DCX: variants seen among roughly 807,000 people sequenced by gnomAD.
The protein encoded by DCX is doublecortin.
A neutral mutation model predicts 20.9 loss-of-function variants in DCX; 4 were observed. That is an observed-to-expected ratio of 0.19 (90% CI 0.09 to 0.44). DCX has a LOEUF of 0.44. DCX is among the 20% of genes least tolerant of loss of function. DCX has a pLI of 0.99. For missense variants in DCX, 133 were observed against 296.9 expected (o/e 0.45, Z 4.06); for synonymous variants, 103 against 111.4 (o/e 0.92, Z 0.47).
At chrX:111,372,867 G>A in intron 3 of DCX, among the ~76,000 whole-genome samples, 1 of 111,598 alleles carries the variant, frequency 9.0e-6, no homozygotes, top group Non-Finnish European at 1.9e-5. Context: ...AAGGTGCTGA[G>A]ACTTCAAGCT....
At chrX:111,339,716 C>T (rs1922053967) in intron 3 of DCX, among the ~76,000 whole-genome samples, 1 of 112,052 alleles carries the variant, frequency 8.9e-6, no homozygotes, top group Admixed American at 9.5e-5. Context: ...ATCCAACTGC[C>T]TGTTCAATAT....
intron 2 of DCX, among the ~76,000 whole-genome samples, chrX:111,404,511 A>G (rs1229775938): frequency 8.9e-6 from 1 of 112,183 alleles, no homozygotes; most frequent in Non-Finnish European, 1.9e-5. Context: ...TAGGAGTCAC[A>G]CAGACCTGGA....
At chrX:111,409,908 T>C (rs1928553713) in intron 2 of DCX, 127 bp downstream of exon 2, 7 of 893,600 alleles carry the variant, frequency 7.8e-6, no homozygotes. Context: ...ATTAGAAATT[T>C]GAGCATCAAT....
At chrX:111,312,350 C>T (rs1180948417) in intron 6 of DCX, among the ~76,000 whole-genome samples, 10 of 112,098 alleles carry the variant, frequency 8.9e-5, no homozygotes, top group Non-Finnish European at 1.7e-4. Flanking sequence ...GTGTTCAACC[C>T]ATGTCCCAAA....
rs1179252304 is a variant in DCX at position 111,400,983 on chromosome X, T to C, written c.705+7A>G. 8.3e-7 allele frequency: 1 copy of C among 1,205,812 alleles called. No homozygotes were observed. On this transcript the variant is annotated splice_region_variant and intron_variant, in intron 3 of 6. Coordinates refer to ENST00000636035, the MANE Select transcript of DCX (RefSeq NM_001195553.2). ...AAACGGGAAAAGTACTTTGAAAAAGTACCTACCTGTTTTCCATCCAGAGTG... is the reference window on the plus strand; with the variant it reads ...AAACGGGAAAAGTACTTTGAAAAAGCACCTACCTGTTTTCCATCCAGAGTG...
intron 3 of DCX, among the ~76,000 whole-genome samples, chrX:111,338,912 G>A (rs769722472): frequency 9.0e-6 from 1 of 111,586 alleles, no homozygotes; most frequent in Non-Finnish European, 1.9e-5. Flanking sequence ...CACCAAGGCT[G>A]CTCTTGTTAA....
In DCX at chrX:111,312,753, G is replaced by A; in HGVS notation, c.947-17C>T. 7 of 1,200,114 alleles carry A rather than the reference G, an allele frequency of 5.8e-6. No homozygotes were observed. Among genetic ancestry groups the A allele is most frequent in the Non-Finnish European group, 7.9e-6 (7 of 885,023 alleles). ...TTCCGTTTGCTAGCCCAAAGCAAGA[G>A]AAAAGGAAGGGATAAAAATCAACAG... On this transcript the variant is annotated splice_polypyrimidine_tract_variant and intron_variant, in intron 5 of 6. Coordinates refer to ENST00000636035, the MANE Select transcript of DCX (RefSeq NM_001195553.2).
chrX:111,388,718 TA>T (rs776583576), intron 3 of DCX, among the ~76,000 whole-genome samples: 7 of 112,178 alleles, frequency 6.2e-5, no homozygotes, highest in Non-Finnish European at 1.1e-4. Flanking sequence ...TCTAAATTGA[TA>T]GGAGCTAACA....
At chrX:111,331,166 T>A in intron 4 of DCX, 125 bp from the exon 5 acceptor site, 1 of 810,007 alleles carries the variant, frequency 1.2e-6, no homozygotes, top group Non-Finnish European at 1.8e-6. Context: ...TACAATGTGG[T>A]CCTTATTATT....
At chrX:111,334,146 A>G (rs1229064476) in intron 3 of DCX, among the ~76,000 whole-genome samples, 1 of 112,470 alleles carries the variant, frequency 8.9e-6, no homozygotes, top group African/African-American at 3.2e-5. Context: ...GCAGAGAGCA[A>G]TATGTTACAT....
intron 6 of DCX, among the ~76,000 whole-genome samples, chrX:111,307,201 T>C (rs2095047390): frequency 9.1e-6 from 1 of 109,917 alleles, no homozygotes; most frequent in Admixed American, 9.8e-5. Flanking sequence ...AAATCCTTTA[T>C]ATTGACAATT....
intron 3 of DCX, among the ~76,000 whole-genome samples, chrX:111,361,851 C>A (rs1924237729): frequency 1.8e-5 from 2 of 111,651 alleles, no homozygotes; most frequent in Admixed American, 1.9e-4. Context: ...ATACCCAAGC[C>A]AACTGCTTTA....
chrX:111,330,494 G>A (rs1441909250), intron 5 of DCX, among the ~76,000 whole-genome samples: 1 of 111,907 alleles, frequency 8.9e-6, no homozygotes, highest in Admixed American at 9.4e-5. Context: ...AGTCAAATTT[G>A]AAGCTCAAGT....
At chrX:111,372,512 C>T (rs977763606) in intron 3 of DCX, among the ~76,000 whole-genome samples, 1 of 111,770 alleles carries the variant, frequency 8.9e-6, no homozygotes, top group Non-Finnish European at 1.9e-5. Flanking sequence ...GCTGTTTATG[C>T]ACATCAGAGT....
At chrX:111,382,604 T>C (rs935669545) in intron 3 of DCX, among the ~76,000 whole-genome samples, 5 of 111,868 alleles carry the variant, frequency 4.5e-5, no homozygotes, top group African/African-American at 1.6e-4. Context: ...GGCTCAAGCA[T>C]TGATTTTGTA....
At chrX:111,315,089 T>C (rs1341872930) in intron 5 of DCX, among the ~76,000 whole-genome samples, 1 of 109,448 alleles carries the variant, frequency 9.1e-6, no homozygotes, top group Admixed American at 9.6e-5. Flanking sequence ...GTTTTTATGG[T>C]TTTAGGTTTA....
intron 3 of DCX, among the ~76,000 whole-genome samples, chrX:111,343,547 C>T (rs758180763): frequency 2.7e-5 from 3 of 110,674 alleles, no homozygotes; most frequent in African/African-American, 6.6e-5. Flanking sequence ...CAATTCCAAA[C>T]GACTGAAAAG....
intron 3 of DCX, among the ~76,000 whole-genome samples, chrX:111,333,725 C>A (rs1921468630): frequency 8.9e-6 from 1 of 112,085 alleles, no homozygotes; most frequent in African/African-American, 3.2e-5. Flanking sequence ...TCCTGTGAAA[C>A]CAGAAGAGGA....
intron 3 of DCX, among the ~76,000 whole-genome samples, chrX:111,336,282 T>C (rs1408107126): frequency 2.7e-5 from 3 of 112,161 alleles, no homozygotes; most frequent in Non-Finnish European, 5.6e-5. Flanking sequence ...CACCCAGGCT[T>C]TGGGAAAAGC....
Sources: gnomAD v4.1 joint callset for allele counts (sites outside exome capture counted in the v4.1 genomes callset) on GRCh38, gnomAD v4.1.1 for gene constraint, MANE v1.5 for transcripts, NCBI Gene and HGNC (gene_info 2026-07-23, HGNC 2026-07-21) for gene names.